The following SPAG16 variants were observed in gnomAD, a reference collection of about 807,000 sequenced individuals.
The protein encoded by SPAG16 is sperm associated antigen 16.
In SPAG16, 86 loss-of-function variants were observed where a neutral mutation model predicts 80.4. The observed-to-expected ratio is 1.07, with a 90% CI of 0.90 to 1.28. The LOEUF (loss-of-function observed/expected upper bound fraction) is 1.28, where lower values mean the gene tolerates loss of function less well. Among genes scored for constraint, SPAG16 ranks in the 50% most tolerant of loss-of-function variants. The pLI is 0.00. For synonymous variants in SPAG16, 294 were observed against 265.9 expected, an observed-to-expected ratio of 1.11 and a Z score of -1.03; for missense variants, 870 against 765.3, an observed-to-expected ratio of 1.14 and a Z score of -1.61.
intron 10 of SPAG16, among the ~76,000 whole-genome samples, chr2:213,605,496 A>AT (rs914222883): frequency 8.0e-5 from 12 of 150,908 alleles, no homozygotes; most frequent in South Asian, 2.1e-4. Context: ...ACAAAAATAT[A>AT]TTTTTTTTTT....
At chr2:213,529,050 C>T (rs537272514) in intron 10 of SPAG16, among the ~76,000 whole-genome samples, 2 of 152,146 alleles carry the variant, frequency 1.3e-5, no homozygotes, top group Non-Finnish European at 2.9e-5. Context: ...GCTTCAGATA[C>T]TCAGGCTGAT....
intron 13 of SPAG16, among the ~76,000 whole-genome samples, chr2:214,060,171 A>G (rs1489750737): frequency 1.3e-5 from 2 of 151,996 alleles, no homozygotes; most frequent in African/African-American, 4.8e-5. Flanking sequence ...TAGGAAAAAA[A>G]TTTTTCCCTA....
At chr2:213,953,942 T>G (rs1043604021) in intron 12 of SPAG16, among the ~76,000 whole-genome samples, 8 of 152,030 alleles carry the variant, frequency 5.3e-5, no homozygotes, top group Non-Finnish European at 1.5e-5. Flanking sequence ...AAATGAATGT[T>G]GTCAGGAAAC....
intron 10 of SPAG16, among the ~76,000 whole-genome samples, chr2:213,497,378 G>A (rs1346781728): frequency 6.6e-6 from 1 of 150,878 alleles, no homozygotes; most frequent in Non-Finnish European, 1.5e-5. Flanking sequence ...CAACTTTAAA[G>A]TAAGTTTGTT....
chr2:213,475,570 C>T (rs2073326163), intron 9 of SPAG16, among the ~76,000 whole-genome samples: 1 of 152,140 alleles, frequency 6.6e-6, no homozygotes, highest in Admixed American at 6.5e-5. Context: ...GTACTGGCAC[C>T]ATGGATGGGC....
chr2:213,692,809 C>CG (rs1158968807), intron 10 of SPAG16, among the ~76,000 whole-genome samples: 16 of 122,610 alleles, frequency 1.3e-4, no homozygotes, highest in African/African-American at 4.5e-4. Context: ...GACTCGGTCT[C>CG]GAAAAAAAAA....
At chr2:213,675,051 T>G (rs2063991992) in intron 10 of SPAG16, among the ~76,000 whole-genome samples, 1 of 150,894 alleles carries the variant, frequency 6.6e-6, no homozygotes, top group Non-Finnish European at 1.5e-5. Flanking sequence ...CACCTGTTGT[T>G]TCCTGACTTT....
Position 213,637,488 on chromosome 2 carries a change from T to A in SPAG16, c.1070+147398T>A, listed in dbSNP as rs2062410466. Among the ~76,000 whole-genome samples, 3 of 152,324 alleles carry A rather than the reference T, an allele frequency of 2.0e-5. No homozygotes were observed. In the South Asian group the frequency reaches 6.2e-4, roughly 32 times the overall value. On this transcript the variant is annotated intron_variant, in intron 10 of 15. Coordinates refer to ENST00000331683, the MANE Select transcript of SPAG16 (RefSeq NM_024532.5). Reference sequence around the variant, plus strand: ...TTAGGGAGGATTTTCTCTTTCTGTATCTTTTGGAGTAGCTTCAGTAGGATT... The same window carrying A: ...TTAGGGAGGATTTTCTCTTTCTGTAACTTTTGGAGTAGCTTCAGTAGGATT...
chr2:214,342,830 C>T (rs1418842064), intron 15 of SPAG16, among the ~76,000 whole-genome samples: 1 of 152,038 alleles, frequency 6.6e-6, no homozygotes. Context: ...CATATTTATA[C>T]GTTCATAACA....
At chr2:213,940,138 C>G (rs762876261) in intron 12 of SPAG16, among the ~76,000 whole-genome samples, 2 of 152,078 alleles carry the variant, frequency 1.3e-5, no homozygotes, top group Non-Finnish European at 2.9e-5. Context: ...AATTATATAA[C>G]AGCCATAACT....
intron 15 of SPAG16, among the ~76,000 whole-genome samples, chr2:214,193,784 A>G (rs1225480775): frequency 1.3e-5 from 2 of 152,116 alleles, no homozygotes; most frequent in African/African-American, 4.8e-5. Context: ...AAAACAAAGA[A>G]TAAAACCAAG....
At chr2:214,149,530 A>G (rs940368228) in intron 15 of SPAG16, among the ~76,000 whole-genome samples, 2 of 152,130 alleles carry the variant, frequency 1.3e-5, no homozygotes, top group Non-Finnish European at 2.9e-5. Flanking sequence ...TAGCAGTGCC[A>G]TGCAAAATAT....
At position 213,531,077 on chromosome 2, in the gene SPAG16, G is replaced by A. The variant is rs1224267484; in HGVS notation, c.1070+40987G>A. On this transcript the variant is annotated intron_variant, in intron 10 of 15. Transcript: ENST00000331683. ...TATTGCTGGTTTTCACATACTTGTT[G>A]ACCTTTTGTTGTCTATTCATATTTA... is the stretch of plus-strand genomic sequence containing the variant. Among the ~76,000 whole-genome samples the A allele has an allele frequency of 2.6e-5, 4 of 151,764 alleles. No homozygotes were observed. The East Asian group carries it at 5.8e-4, about 22-fold the overall frequency.
At chr2:214,044,876 A>C (rs1407708216) in intron 13 of SPAG16, among the ~76,000 whole-genome samples, 1 of 152,166 alleles carries the variant, frequency 6.6e-6, no homozygotes, top group Non-Finnish European at 1.5e-5. Context: ...TGCCCATCCC[A>C]GTGGTTGGAA....
Position 214,132,171 on chromosome 2 carries a change from C to T in SPAG16, c.1594-16969C>T, listed in dbSNP as rs546868980. ...TATAATTCTTGAAAGAGTTCTATTG[C>T]AAATATGAGAAGTTTTGCTTTGACT... On this transcript the variant is annotated intron_variant, in intron 14 of 15. Coordinates refer to ENST00000331683, the MANE Select transcript of SPAG16 (RefSeq NM_024532.5). Among the ~76,000 whole-genome samples, 5 of 152,174 alleles carry T rather than the reference C, an allele frequency of 3.3e-5. No homozygotes were observed. The South Asian group carries it at 1.0e-3, about 32-fold the overall frequency.
At chr2:214,036,969 CTG>C (rs1553700609) in intron 13 of SPAG16, among the ~76,000 whole-genome samples, 1 of 151,870 alleles carries the variant, frequency 6.6e-6, no homozygotes, top group Non-Finnish European at 1.5e-5. Flanking sequence ...TTTTTTGTGT[CTG>C]TGAAATACTA....
chr2:214,146,921 T>G lies in SPAG16; in HGVS notation c.1594-2219T>G, dbSNP rs1024138023. 3.3e-5 allele frequency among the ~76,000 whole-genome samples: 5 copies of G among 151,760 alleles called. No homozygotes were observed. The South Asian group carries it at 6.2e-4, about 19-fold the overall frequency. ...CGAGGCTGAGGCAGGAGAATGGCGT[T>G]AACCCGGGAGACGGACATTGCAGTG... On this transcript the variant is annotated intron_variant, in intron 14 of 15. Coordinates refer to ENST00000331683, the MANE Select transcript of SPAG16 (RefSeq NM_024532.5).
At chr2:213,615,139 G>A (rs1448886173) in intron 10 of SPAG16, among the ~76,000 whole-genome samples, 1 of 152,216 alleles carries the variant, frequency 6.6e-6, no homozygotes, top group African/African-American at 2.4e-5. Context: ...TATACTATGG[G>A]TACAGTTATT....
At chr2:213,316,278 A>G (rs1264431965) in intron 4 of SPAG16, among the ~76,000 whole-genome samples, 1 of 151,968 alleles carries the variant, frequency 6.6e-6, no homozygotes, top group Admixed American at 6.6e-5. Flanking sequence ...TCATTTACCA[A>G]CACCTGACAG....
Sources: allele counts gnomAD v4.1 joint callset (sites outside exome capture counted in the v4.1 genomes callset), GRCh38; gene constraint gnomAD v4.1.1; transcripts MANE v1.5; gene names NCBI Gene and HGNC (gene_info 2026-07-23, HGNC 2026-07-21).